The following TLN2 variants were observed in gnomAD, a reference collection of about 807,000 sequenced individuals.
TLN2 encodes the protein talin-2.
TLN2 carries 118 observed loss-of-function variants against 294.7 expected under a neutral mutation model. The observed-to-expected ratio is 0.40, with a 90% CI of 0.34 to 0.47. The LOEUF (loss-of-function observed/expected upper bound fraction) is 0.47, where lower values mean the gene tolerates loss of function less well. TLN2 is among the 20% of genes least tolerant of loss of function. The pLI, the probability that TLN2 is intolerant of heterozygous loss-of-function variation, is 0.84. For synonymous variants in TLN2, 1,431 were observed against 1,304.5 expected, an observed-to-expected ratio of 1.10 and a Z score of -2.09; for missense variants, 3,083 against 3,282.2, an observed-to-expected ratio of 0.94 and a Z score of 1.48.
chr15:62,709,160 T>C (rs1426814263), intron 21 of TLN2, among the ~76,000 whole-genome samples: 1 of 152,174 alleles, frequency 6.6e-6, no homozygotes, highest in African/African-American at 2.4e-5. Context: ...TATACTTGCA[T>C]GTCCCCTGGA....
chr15:62,567,705 CGCGCCTGTAATCCCA>C (rs375561162), intron 1 of TLN2, among the ~76,000 whole-genome samples: 30 of 152,244 alleles, frequency 2.0e-4, no homozygotes, highest in African/African-American at 7.0e-4. Context: ...CGTGATGGCG[CGCGCCTGTAATCCCA>C]GCTACTTGGG....
intron 1 of TLN2, among the ~76,000 whole-genome samples, chr15:62,424,754 G>A (rs1188667037): frequency 6.6e-6 from 1 of 152,000 alleles, no homozygotes. Context: ...CCTGGTTCAA[G>A]CAGTTCTCCT....
At chr15:62,393,295 GAACTTTTAAC>G (rs1258155244) in intron 1 of TLN2, among the ~76,000 whole-genome samples, 2 of 152,090 alleles carry the variant, frequency 1.3e-5, no homozygotes, top group Non-Finnish European at 2.9e-5. Context: ...AAGAGAAAGC[GAACTTTTAAC>G]AACTTGACCC....
rs2070710248 is a variant in TLN2 at position 62,841,604 on chromosome 15, T to TAATA, written c.*995_*998dup. On this transcript the variant is annotated 3_prime_UTR_variant, in exon 59 of 59. Transcript: ENST00000636159. ...ACCCAAAACGCCTTTTTTTCTGTCTTAATATCCAGAAAATCTAAATGCATC... is the reference window on the plus strand; with the variant it reads ...ACCCAAAACGCCTTTTTTTCTGTCTTAATAAATATCCAGAAAATCTAAATGCATC... The TAATA allele has an allele frequency of 1.3e-5, 2 of 152,204 alleles. No individual in the cohort carries two copies. Among genetic ancestry groups the TAATA allele is most frequent in the African/African-American group, 2.4e-5 (1 of 41,446 alleles). The allele number at this position is 152,204 out of a possible 1,614,324, so 9.4% of individuals were successfully genotyped here.
At chr15:62,407,075 G>T (rs1287435219) in intron 1 of TLN2, among the ~76,000 whole-genome samples, 1 of 152,048 alleles carries the variant, frequency 6.6e-6, no homozygotes, top group Non-Finnish European at 1.5e-5. Context: ...AGAGGCCAAG[G>T]GACCCTAATT....
chr15:62,805,695 G>T lies in TLN2; in HGVS notation c.6573G>T (p.Val2191=). ...KGITMATAKA[V]AAGNSCRQED... Reference sequence around the variant, plus strand: ...TCACCATGGCAACAGCCAAAGCCGTGGCAGCTGGGAACTCATGTAGACAGG... The same window carrying T: ...TCACCATGGCAACAGCCAAAGCCGTTGCAGCTGGGAACTCATGTAGACAGG... Residue 2191 remains valine, a synonymous_variant, in exon 51 of 59, where the codon GTG becomes GTT. Transcript: ENST00000636159. 1 of 1,614,162 alleles carries T rather than the reference G, an allele frequency of 6.2e-7. No homozygotes were observed.
chr15:62,592,195 A>G lies in TLN2; in HGVS notation c.-162+2433A>G, dbSNP rs532699704. On this transcript the variant is annotated intron_variant, in intron 2 of 58. Coordinates refer to ENST00000636159, the MANE Select transcript of TLN2 (RefSeq NM_015059.3). ...GGGGAAGAGCAGCAATACCTGTTCC[A>G]AGAAGCCTGCACAATCCTAGCTGCT... is the stretch of plus-strand genomic sequence containing the variant. 9.2e-5 allele frequency among the ~76,000 whole-genome samples: 14 copies of G among 152,334 alleles called. No individual in the cohort carries two copies. In the South Asian group the frequency reaches 2.9e-3, roughly 32 times the overall value.
intron 1 of TLN2, among the ~76,000 whole-genome samples, chr15:62,438,896 C>T (rs1470475904): frequency 6.6e-6 from 1 of 152,108 alleles, no homozygotes; most frequent in African/African-American, 2.4e-5. Context: ...ATGCTGGACT[C>T]GGATTAAAGT....
intron 1 of TLN2, among the ~76,000 whole-genome samples, chr15:62,562,684 C>T (rs189483384): frequency 2.3e-4 from 35 of 152,072 alleles, no homozygotes; most frequent in African/African-American, 8.0e-4. Context: ...AGTCTTTTAT[C>T]CCTCACCCAC....
intron 1 of TLN2, among the ~76,000 whole-genome samples, chr15:62,566,191 G>T (rs1027246592): frequency 2.0e-5 from 3 of 152,102 alleles, no homozygotes; most frequent in South Asian, 4.1e-4. Context: ...CCTGTTGGGG[G>T]CTTGGGGTGC....
In TLN2 at chr15:62,453,410, T is replaced by C. The variant is rs143459082; in HGVS notation, c.-238+62725T>C. ...ATCTGCACATGGCAGGTGCCAAAAGTGTGCTCTAATACAAGGCCCTTTCTT... is the reference window on the plus strand; with the variant it reads ...ATCTGCACATGGCAGGTGCCAAAAGCGTGCTCTAATACAAGGCCCTTTCTT... On this transcript the variant is annotated intron_variant, in intron 1 of 58. Coordinates refer to ENST00000636159, the MANE Select transcript of TLN2 (RefSeq NM_015059.3). Among the ~76,000 whole-genome samples the C allele has an allele frequency of 1.9e-3, 293 of 152,228 alleles. 2 individuals are homozygous for C. Among genetic ancestry groups the C allele is most frequent in the African/African-American group, 6.7e-3 (280 of 41,542 alleles).
At chr15:62,822,022 G>T (rs185663379) in intron 54 of TLN2, among the ~76,000 whole-genome samples, 4 of 152,142 alleles carry the variant, frequency 2.6e-5, no homozygotes, top group Non-Finnish European at 4.4e-5. Context: ...TGACACATTC[G>T]TTCTCCTGGA....
At position 62,508,167 on chromosome 15, in the gene TLN2, C is replaced by G. The variant is rs537559982; in HGVS notation, c.-237-81520C>G. On this transcript the variant is annotated intron_variant, in intron 1 of 58. Transcript: ENST00000636159. ...AAATTTAAATATATGATGTTTCCTT[C>G]TGGATGAGTGACTATTTAAGCCCTA... Among the ~76,000 whole-genome samples, 21 of 152,158 alleles carry G rather than the reference C, an allele frequency of 1.4e-4. No individual in the cohort carries two copies. In the South Asian group the frequency reaches 4.4e-3, roughly 32 times the overall value.
chr15:62,397,046 G>T (rs540087013), intron 1 of TLN2, among the ~76,000 whole-genome samples: 1 of 152,046 alleles, frequency 6.6e-6, no homozygotes, highest in Non-Finnish European at 1.5e-5. Flanking sequence ...CCTCAAACTT[G>T]GTTTTCCTAA....
At chr15:62,460,194 C>G (rs1386271678) in intron 1 of TLN2, among the ~76,000 whole-genome samples, 1 of 151,808 alleles carries the variant, frequency 6.6e-6, no homozygotes, top group African/African-American at 2.4e-5. Flanking sequence ...GCCATGTGTC[C>G]TAGCAGGTTT....
At chr15:62,484,347 A>T (rs1186120999) in intron 1 of TLN2, among the ~76,000 whole-genome samples, 1 of 152,190 alleles carries the variant, frequency 6.6e-6, no homozygotes, top group Non-Finnish European at 1.5e-5. Context: ...AGCAGATGGT[A>T]CCAAGTAAGT....
chr15:62,631,875 C>T lies in TLN2; in HGVS notation c.-37+13400C>T, dbSNP rs560961869. On this transcript the variant is annotated intron_variant, in intron 3 of 58. Transcript: ENST00000636159. Reference sequence around the variant, plus strand: ...GATTATGGGCATGAGCCACCATGCCCGGCCTTGATAGTTTTATAGTGAGGT... The same window carrying T: ...GATTATGGGCATGAGCCACCATGCCTGGCCTTGATAGTTTTATAGTGAGGT... Among the ~76,000 whole-genome samples, 5 of 152,082 alleles carry T rather than the reference C, an allele frequency of 3.3e-5. No individual in the cohort carries two copies. The South Asian group carries it at 6.2e-4, about 19-fold the overall frequency.
intron 1 of TLN2, among the ~76,000 whole-genome samples, chr15:62,454,618 C>CCATCCTTCCGTGAGTCCCCTTCTG (rs1375880535): frequency 3.3e-4 from 50 of 152,236 alleles, no homozygotes; most frequent in African/African-American, 1.1e-3. Flanking sequence ...ACCCTGTGCC[C>CCATCCTTCCGTGAGTCCCCTTCTG]CATCCTTCCG....
chr15:62,654,368 C>T (rs1333536882), intron 7 of TLN2, among the ~76,000 whole-genome samples: 1 of 152,138 alleles, frequency 6.6e-6, no homozygotes, highest in Non-Finnish European at 1.5e-5. Context: ...GCACTTCCAT[C>T]AGGAAGTGTT....
Sources: gnomAD v4.1 joint callset for allele counts (sites outside exome capture counted in the v4.1 genomes callset) on GRCh38, gnomAD v4.1.1 for gene constraint, MANE v1.5 for transcripts, NCBI Gene and HGNC (gene_info 2026-07-23, HGNC 2026-07-21) for gene names.